TMEM132C: variants seen among roughly 807,000 people sequenced by gnomAD.
TMEM132C encodes the protein protein phosphatase 1, regulatory subunit 152.
A neutral mutation model predicts 61.4 loss-of-function variants in TMEM132C; 29 were observed. The ratio of observed to expected loss-of-function variants is 0.47; its 90% CI spans 0.35 to 0.64. The LOEUF (loss-of-function observed/expected upper bound fraction) is 0.64. TMEM132C is among the 30% of genes least tolerant of loss of function. TMEM132C has a pLI of 0.00. For synonymous variants in TMEM132C, 656 were observed against 633.1 expected (o/e 1.04, Z -0.54); for missense variants, 1,408 against 1,476.9 (o/e 0.95, Z 0.76).
chr12:128,393,875 T>C (rs1874849969), intron 1 of TMEM132C, among the ~76,000 whole-genome samples: 1 of 152,198 alleles, frequency 6.6e-6, no homozygotes, highest in African/African-American at 2.4e-5. Flanking sequence ...TCCTTGAAGC[T>C]CCACCCAACA....
chr12:128,559,825 C>G (rs1481487648), intron 3 of TMEM132C, among the ~76,000 whole-genome samples: 2 of 152,220 alleles, frequency 1.3e-5, no homozygotes, highest in African/African-American at 4.8e-5. Context: ...TATGTATGAA[C>G]AGGGACCATG....
chr12:128,531,977 A>G (rs1565964709), intron 2 of TMEM132C, among the ~76,000 whole-genome samples: 1 of 152,126 alleles, frequency 6.6e-6, no homozygotes, highest in East Asian at 1.9e-4. Context: ...AAGAACGGTA[A>G]TTTTCAATGT....
chr12:128,510,626 T>C (rs1386246923), intron 2 of TMEM132C, among the ~76,000 whole-genome samples: 1 of 152,240 alleles, frequency 6.6e-6, no homozygotes, highest in African/African-American at 2.4e-5. Flanking sequence ...CAAAGCTCTC[T>C]GGCTTCCGTC....
chr12:128,669,779 CCTTT>C (rs1954513751), intron 5 of TMEM132C, among the ~76,000 whole-genome samples: 2 of 152,222 alleles, frequency 1.3e-5, no homozygotes, highest in East Asian at 3.9e-4. Context: ...TGTCTTTCTT[CCTTT>C]ATTTGACAAT....
intron 2 of TMEM132C, among the ~76,000 whole-genome samples, chr12:128,497,628 G>T (rs191796695): frequency 6.6e-6 from 1 of 152,314 alleles, no homozygotes; most frequent in East Asian, 1.9e-4. Context: ...GACCCTCTGA[G>T]CCAGGTGCGG....
Position 128,415,077 on chromosome 12 carries a change from G to T in TMEM132C, c.431G>T (p.Arg144Leu). The T allele has an allele frequency of 1.2e-6, 2 of 1,602,716 alleles. No homozygotes were observed. Among genetic ancestry groups the T allele is most frequent in the Non-Finnish European group, 8.5e-7 (1 of 1,174,422 alleles). Residue 144 changes from arginine (R) to leucine (L), a missense_variant, in exon 2 of 9, where the codon CGG becomes CTG. Arg to Leu is a moderately radical substitution (Grantham distance 102, BLOSUM62 -2). Coordinates refer to ENST00000435159, the MANE Select transcript of TMEM132C (RefSeq NM_001136103.3). The surrounding 1 kb of genome is among the most constrained non-coding windows in gnomAD (Gnocchi z 5.8). ...HILRDKVYLS[R>L]PKVQVLFHIM... ...CTGCGGGACAAAGTCTACCTGAGCC[G>T]GCCCAAAGTGCAGGTTCTTTTCCAC...
At chr12:128,482,512 C>G (rs1286355201) in intron 2 of TMEM132C, among the ~76,000 whole-genome samples, 1 of 152,138 alleles carries the variant, frequency 6.6e-6, no homozygotes, top group African/African-American at 2.4e-5. Context: ...GGAAAAGTCC[C>G]TCTTTTTCTA....
chr12:128,608,271 G>T (rs570187073), intron 3 of TMEM132C, among the ~76,000 whole-genome samples: 1 of 152,288 alleles, frequency 6.6e-6, no homozygotes, highest in South Asian at 2.1e-4. Flanking sequence ...ACAAGGGTTG[G>T]CTTACTACAG....
chr12:128,397,844 C>G (rs190560580), intron 1 of TMEM132C, among the ~76,000 whole-genome samples: 15 of 152,220 alleles, frequency 9.9e-5, no homozygotes, highest in Admixed American at 9.8e-4. Flanking sequence ...TTCCCTATTG[C>G]GACTGGCCAC....
At chr12:128,561,215 A>G (rs74900858) in intron 3 of TMEM132C, among the ~76,000 whole-genome samples, 4,488 of 152,346 alleles carry the variant, frequency 0.029, 259 homozygotes, top group African/African-American at 0.1. Context: ...TGCTGGACAT[A>G]TAGACATTTT....
Position 128,442,988 on chromosome 12 carries a change from T to C in TMEM132C, c.974+27368T>C, listed in dbSNP as rs550889922. 9.2e-5 allele frequency among the ~76,000 whole-genome samples: 14 copies of C among 152,318 alleles called. No individual in the cohort carries two copies. In the East Asian group the frequency reaches 2.3e-3, roughly 25 times the overall value. ...AACTGCCTTGCGTATGATTAGGTCA[T>C]TGCCGTCATAGGAGAAGTTTCTTGT... On this transcript the variant is annotated intron_variant, in intron 2 of 8. Coordinates refer to ENST00000435159, the MANE Select transcript of TMEM132C (RefSeq NM_001136103.3).
chr12:128,534,815 A>G (rs890323088), intron 2 of TMEM132C, among the ~76,000 whole-genome samples: 4 of 152,294 alleles, frequency 2.6e-5, no homozygotes, highest in African/African-American at 9.6e-5. Flanking sequence ...CATTTCTCCC[A>G]TTTCTGTGGT....
chr12:128,634,332 C>T (rs1185051211), intron 4 of TMEM132C, among the ~76,000 whole-genome samples: 1 of 152,242 alleles, frequency 6.6e-6, no homozygotes, highest in Non-Finnish European at 1.5e-5. Flanking sequence ...GTCTCAGCCT[C>T]CCAAAGTGCT....
At chr12:128,449,767 T>G (rs1381384292) in intron 2 of TMEM132C, among the ~76,000 whole-genome samples, 1 of 152,234 alleles carries the variant, frequency 6.6e-6, no homozygotes. Context: ...TCCTTAGCTA[T>G]GCAGTGATTA....
chr12:128,615,859 G>C (rs191593513), intron 3 of TMEM132C, among the ~76,000 whole-genome samples: 2 of 152,350 alleles, frequency 1.3e-5, no homozygotes, highest in Admixed American at 1.3e-4. Context: ...AACTAGTTTA[G>C]CTCATCATCT....
At position 128,695,837 on chromosome 12, in the gene TMEM132C, C is replaced by A. The variant is rs757837336; in HGVS notation, c.1663C>A (p.Arg555Ser). The A allele has an allele frequency of 6.5e-7, 1 of 1,543,922 alleles. No homozygotes were observed. Among genetic ancestry groups the A allele is most frequent in the Non-Finnish European group, 8.8e-7 (1 of 1,142,188 alleles). Residue 555 changes from arginine to serine, a missense_variant, in exon 7 of 9, where the codon CGT becomes AGT. Arg to Ser is a moderately radical substitution (Grantham distance 110, BLOSUM62 -1). Transcript: ENST00000435159. ...VPIVTNKRPT[R>S]ESEDEDEEER... ...TTTGTCCCTTCCCACAAGGCCCACT[C>A]GTGAGAGCGAGGATGAGGACGAGGA...
intron 1 of TMEM132C, among the ~76,000 whole-genome samples, chr12:128,317,458 C>T (rs555558174): frequency 6.6e-6 from 1 of 152,196 alleles, no homozygotes; most frequent in Non-Finnish European, 1.5e-5. Context: ...TATGGAGAAA[C>T]AAACCCGCCC....
At chr12:128,634,732 C>T (rs1374675876) in intron 4 of TMEM132C, among the ~76,000 whole-genome samples, 10 of 152,192 alleles carry the variant, frequency 6.6e-5, no homozygotes, top group South Asian at 2.1e-4. Flanking sequence ...GAGAAACAGA[C>T]GCCATCTATA....
Position 128,501,867 on chromosome 12 carries a change from G to A in TMEM132C, c.975-42090G>A, listed in dbSNP as rs79844073. Among the ~76,000 whole-genome samples the A allele has an allele frequency of 1.2e-3, 184 of 152,286 alleles. 6 individuals carry two copies. The East Asian group carries it at 0.032, about 27-fold the overall frequency. On this transcript the variant is annotated intron_variant, in intron 2 of 8. Transcript: ENST00000435159. ...CCTTAGACCATGATTCTCAACCATT[G>A]CCTCCCAAGCCTTTGTGTCTGTAAC...
Sources: allele counts gnomAD v4.1 joint callset (sites outside exome capture counted in the v4.1 genomes callset), GRCh38; gene constraint gnomAD v4.1.1; non-coding constraint Gnocchi (gnomAD v3.1); transcripts MANE v1.5; gene names NCBI Gene and HGNC (gene_info 2026-07-23, HGNC 2026-07-21).